Variants in DIP2C observed in about 807,000 individuals in gnomAD.
The protein encoded by DIP2C is DIP2 acetate--CoA ligase C (putative).
In DIP2C, 33 loss-of-function variants were observed where a neutral mutation model predicts 192.4. The ratio of observed to expected loss-of-function variants is 0.17; its 90% CI spans 0.13 to 0.23. DIP2C has a LOEUF of 0.23. Ranked by LOEUF, DIP2C falls within the 10% of genes least tolerant of loss-of-function variation. DIP2C has a pLI of 1.00. For synonymous variants in DIP2C, 979 were observed against 864.1 expected, an observed-to-expected ratio of 1.13 and a Z score of -2.33; for missense variants, 1,537 against 2,110.1, an observed-to-expected ratio of 0.73 and a Z score of 5.32.
At chr10:329,701 G>A in intron 29 of DIP2C, 100 bp from the exon 30 acceptor site, 1 of 1,420,888 alleles carries the variant, frequency 7.0e-7, no homozygotes, top group Non-Finnish European at 9.5e-7. Flanking sequence ...GGAAAAGGAG[G>A]ACTTGGAACA....
intron 1 of DIP2C, among the ~76,000 whole-genome samples, chr10:634,196 A>G (rs1355630276): frequency 6.6e-6 from 1 of 152,260 alleles, no homozygotes; most frequent in Non-Finnish European, 1.5e-5. Context: ...CCTGGGGCTC[A>G]GCGTCAACGC....
intron 3 of DIP2C, 121 bp from the exon 4 acceptor site, chr10:441,117 T>G: frequency 8.5e-7 from 1 of 1,181,678 alleles, no homozygotes; most frequent in Non-Finnish European, 1.1e-6. Context: ...AACAGATGGG[T>G]GGGCGAGGAA....
At chr10:299,364 G>T (rs959855864) in intron 32 of DIP2C, among the ~76,000 whole-genome samples, 4 of 152,226 alleles carry the variant, frequency 2.6e-5, no homozygotes, top group Non-Finnish European at 5.9e-5. Flanking sequence ...GCTCACCCTA[G>T]CATCAGGCTT....
At chr10:376,025 G>A (rs1397827592) in intron 17 of DIP2C, among the ~76,000 whole-genome samples, 3 of 152,112 alleles carry the variant, frequency 2.0e-5, no homozygotes, top group South Asian at 2.1e-4. Context: ...CACAAAACAC[G>A]CCTGCAGTCA....
At position 362,473 on chromosome 10, in the gene DIP2C, C is replaced by T. The variant is rs1461805868; in HGVS notation, c.2794+17G>A. ...GGAACTCCCGCACCTCACAAGCTGC[C>T]CAAGTGGTGCACATACCTGGCTGCT... On this transcript the variant is annotated intron_variant, in intron 22 of 36. Coordinates refer to ENST00000280886, the MANE Select transcript of DIP2C (RefSeq NM_014974.3). 1 of 1,611,906 alleles carries T rather than the reference C, an allele frequency of 6.2e-7. No individual in the cohort carries two copies. Among genetic ancestry groups the T allele is most frequent in the South Asian group, 1.1e-5 (1 of 90,782 alleles).
chr10:417,918 AC>A (rs1217091807), intron 6 of DIP2C, among the ~76,000 whole-genome samples: 4 of 91,150 alleles, frequency 4.4e-5, no homozygotes, highest in African/African-American at 4.6e-5. Flanking sequence ...CTCCCTGTCC[AC>A]CTGTTCCTGT....
chr10:334,516 G>A (rs1237992880), intron 29 of DIP2C, among the ~76,000 whole-genome samples: 2 of 151,942 alleles, frequency 1.3e-5, no homozygotes, highest in African/African-American at 2.4e-5. Context: ...GCCTAACCAA[G>A]ATTATGAAAA....
intron 4 of DIP2C, among the ~76,000 whole-genome samples, chr10:424,248 A>T (rs1966414185): frequency 6.6e-6 from 1 of 151,478 alleles, no homozygotes; most frequent in Non-Finnish European, 1.5e-5. Flanking sequence ...CAATATACAC[A>T]CTTATTATCA....
chr10:641,727 G>A (rs1320467488), intron 1 of DIP2C: 1 of 154,182 alleles, frequency 6.5e-6, no homozygotes, highest in Non-Finnish European at 1.5e-5. Context: ...AGGAGGCCAG[G>A]CGTGTGTGTG....
chr10:590,586 T>C (rs1395741335), intron 1 of DIP2C, among the ~76,000 whole-genome samples: 2 of 152,190 alleles, frequency 1.3e-5, no homozygotes, highest in South Asian at 2.1e-4. Context: ...ACAAGATAAT[T>C]TGCACCCTGA....
At chr10:337,920 GATGTGT>G (rs1564577306) in intron 29 of DIP2C, among the ~76,000 whole-genome samples, 1 of 149,422 alleles carries the variant, frequency 6.7e-6, no homozygotes, top group Non-Finnish European at 1.5e-5. Flanking sequence ...GGCCTAGGCT[GATGTGT>G]ATGTGTGTGC....
chr10:453,624 A>T (rs1969037827), intron 3 of DIP2C, among the ~76,000 whole-genome samples: 1 of 152,222 alleles, frequency 6.6e-6, no homozygotes, highest in Non-Finnish European at 1.5e-5. Flanking sequence ...ACGTAAATGG[A>T]AGATGATTCT....
intron 8 of DIP2C, among the ~76,000 whole-genome samples, chr10:410,495 G>C (rs1251479497): frequency 1.3e-5 from 2 of 152,294 alleles, no homozygotes; most frequent in East Asian, 1.9e-4. Context: ...TCCTGGAAAA[G>C]ATCACTGGCT....
chr10:356,420 C>T lies in DIP2C; in HGVS notation c.2985+6G>A. 3 of 1,610,838 alleles carry T rather than the reference C, an allele frequency of 1.9e-6. No individual in the cohort carries two copies. Among genetic ancestry groups the T allele is most frequent in the Non-Finnish European group, 2.5e-6 (3 of 1,179,988 alleles). On this transcript the variant is annotated splice_donor_region_variant and intron_variant, in intron 24 of 36. Coordinates refer to ENST00000280886, the MANE Select transcript of DIP2C (RefSeq NM_014974.3). ...GTAGCCAGGGAAGGCCAGCTCCGCG[C>T]CTCACCCGACAGTTGAGCAGCGTGT...
chr10:633,934 T>C (rs1854680615), intron 1 of DIP2C, among the ~76,000 whole-genome samples: 1 of 152,216 alleles, frequency 6.6e-6, no homozygotes, highest in Non-Finnish European at 1.5e-5. Flanking sequence ...CTGCTTTTTT[T>C]CCTTAAAAGC....
At chr10:558,211 T>C (rs1370828627) in intron 1 of DIP2C, among the ~76,000 whole-genome samples, 2 of 152,082 alleles carry the variant, frequency 1.3e-5, no homozygotes, top group Admixed American at 6.5e-5. Flanking sequence ...TGAGCATGCG[T>C]CAAGCCCAGT....
At chr10:279,528 T>C (rs1272026030) in intron 36 of DIP2C, among the ~76,000 whole-genome samples, 1 of 152,210 alleles carries the variant, frequency 6.6e-6, no homozygotes, top group Non-Finnish European at 1.5e-5. Context: ...TGAGAACAAC[T>C]GATGAGAAAT....
At chr10:378,692 T>C (rs1190510231) in intron 17 of DIP2C, among the ~76,000 whole-genome samples, 6 of 149,722 alleles carry the variant, frequency 4.0e-5, no homozygotes, top group African/African-American at 1.2e-4. Flanking sequence ...CAGACATGCA[T>C]ACACACATGA....
chr10:594,512 G>A (rs141818900), intron 1 of DIP2C, among the ~76,000 whole-genome samples: 2,399 of 147,068 alleles, frequency 0.016, 10 homozygotes, highest in African/African-American at 0.059. Context: ...CCATTTCAAC[G>A]TAAGGGAACA....
Sources: allele counts gnomAD v4.1 joint callset (sites outside exome capture counted in the v4.1 genomes callset), GRCh38; gene constraint gnomAD v4.1.1; transcripts MANE v1.5; gene names NCBI Gene and HGNC (gene_info 2026-07-23, HGNC 2026-07-21).